Variants in PROS1 observed in about 807,000 individuals in gnomAD.
The protein encoded by PROS1 is protein S, also known as vitamin K-dependent protein S.
Under a neutral mutation model 75.9 loss-of-function variants are expected in PROS1, and 29 were observed. The ratio of observed to expected loss-of-function variants is 0.38; its 90% CI spans 0.28 to 0.52. The LOEUF (loss-of-function observed/expected upper bound fraction) is 0.52, where lower values mean the gene tolerates loss of function less well. Among genes scored for constraint, PROS1 ranks in the 20% least tolerant of loss-of-function variants. The probability of loss-of-function intolerance (pLI) is 0.83; values close to 1 mark genes in which losing one functional copy is unlikely to be tolerated. For missense variants in PROS1, 680 were observed against 810.3 expected (o/e 0.84, Z 1.95); for synonymous variants, 245 against 280.6 (o/e 0.87, Z 1.27).
chr3:93,896,592 A>T lies in PROS1; in HGVS notation c.949T>A (p.Leu317Met), dbSNP rs1323599276. 7.4e-6 allele frequency: 12 copies of T among 1,611,856 alleles called. No homozygotes were observed. Among genetic ancestry groups the T allele is most frequent in the Non-Finnish European group, 1.0e-5 (12 of 1,178,146 alleles). ...GTTCCTCACCTGCTGATTTCTGGCA[A>T]ACGAAATTTTAAATATAAAACAACC... ...AGVVLYLKFR[L>M]PEISRFSAEF... The change falls in exon 9 of 15, where the codon TTG (leucine) becomes ATG (methionine). Residue 317 changes from leucine (L) to methionine (M), a missense_variant. By Grantham distance (15) the Leu-to-Met change is conservative. Transcript: ENST00000394236.
intron 6 of PROS1, among the ~76,000 whole-genome samples, chr3:93,903,451 C>A (rs1708627560): frequency 6.6e-6 from 1 of 151,988 alleles, no homozygotes; most frequent in African/African-American, 2.4e-5. Flanking sequence ...ATCACTTCAA[C>A]CCAAGAATTT....
chr3:93,942,721 A>G (rs915378562), intron 1 of PROS1, among the ~76,000 whole-genome samples: 1 of 152,164 alleles, frequency 6.6e-6, no homozygotes, highest in African/African-American at 2.4e-5. Flanking sequence ...TCTTCCATTT[A>G]GGTTACAAGC....
intron 14 of PROS1, 131 bp from the exon 15 acceptor site, chr3:93,874,536 T>A (rs560234306): frequency 5.6e-6 from 7 of 1,248,716 alleles, no homozygotes; most frequent in Non-Finnish European, 7.8e-6. Flanking sequence ...ATAGTGAAAT[T>A]CTATTCCATA....
intron 1 of PROS1, among the ~76,000 whole-genome samples, chr3:93,952,046 T>G (rs1370229683): frequency 6.6e-6 from 1 of 152,090 alleles, no homozygotes; most frequent in African/African-American, 2.4e-5. Flanking sequence ...CCTAAATATA[T>G]ATGCACCCAA....
At chr3:93,909,736 G>A (rs1358177292) in intron 4 of PROS1, among the ~76,000 whole-genome samples, 2 of 151,730 alleles carry the variant, frequency 1.3e-5, no homozygotes, top group Non-Finnish European at 2.9e-5. Context: ...GAAAATTTTT[G>A]TTGTTAAATA....
chr3:93,910,847 G>A (rs1708750054), intron 3 of PROS1, 142 bp from the exon 4 acceptor site: 2 of 707,028 alleles, frequency 2.8e-6, no homozygotes, highest in South Asian at 3.3e-5. Context: ...AACACTAAAT[G>A]TTTCCATCTA....
chr3:93,934,093 T>A (rs1455569078), intron 1 of PROS1, among the ~76,000 whole-genome samples: 1 of 148,638 alleles, frequency 6.7e-6, no homozygotes, highest in African/African-American at 2.5e-5. Flanking sequence ...GGCAGGAGAA[T>A]CACTTGAACC....
intron 1 of PROS1, among the ~76,000 whole-genome samples, chr3:93,941,500 A>T (rs1428865573): frequency 6.6e-6 from 1 of 152,136 alleles, no homozygotes; most frequent in Non-Finnish European, 1.5e-5. Flanking sequence ...CCATCCTAAC[A>T]AAACCATCAC....
Position 93,892,959 on chromosome 3 carries a change from C to T in PROS1, c.1129G>A (p.Val377Ile). 1.2e-6 allele frequency: 2 copies of T among 1,612,378 alleles called. No homozygotes were observed. Among genetic ancestry groups the T allele is most frequent in the Non-Finnish European group, 1.7e-6 (2 of 1,179,784 alleles). ...ATATTCCATAGACCATTATTAATAA[C>T]ATCACCTCCAGTTGTGATTTTGGAT... ...HTSKITTGGDVINNGLWNMVS... is the reference protein window; with the variant it reads ...HTSKITTGGDIINNGLWNMVS... The change falls in exon 10 of 15, where the codon GTT (valine) becomes ATT (isoleucine). Residue 377 changes from valine (V) to isoleucine (I), a missense_variant. Coordinates refer to ENST00000394236, the MANE Select transcript of PROS1 (RefSeq NM_000313.4).
At chr3:93,966,225 T>C (rs1375414054) in intron 1 of PROS1, among the ~76,000 whole-genome samples, 8 of 152,158 alleles carry the variant, frequency 5.3e-5, no homozygotes, top group Non-Finnish European at 1.2e-4. Context: ...CATTGTTCAC[T>C]TTGCCTACAA....
intron 1 of PROS1, among the ~76,000 whole-genome samples, chr3:93,944,140 G>T (rs1437222137): frequency 6.6e-6 from 1 of 152,112 alleles, no homozygotes; most frequent in African/African-American, 2.4e-5. Context: ...TAAATGTACA[G>T]AGAACTAACT....
intron 8 of PROS1, among the ~76,000 whole-genome samples, chr3:93,897,292 T>TGAATGAC (rs1708515801): frequency 6.6e-6 from 1 of 152,128 alleles, no homozygotes; most frequent in East Asian, 1.9e-4. Context: ...TGGTATCAAG[T>TGAATGAC]ATTTTTTTTC....
At chr3:93,956,569 C>A (rs1355739003) in intron 1 of PROS1, among the ~76,000 whole-genome samples, 18 of 123,282 alleles carry the variant, frequency 1.5e-4, no homozygotes, top group African/African-American at 4.7e-4. Flanking sequence ...CACAAACACA[C>A]ACACACACAC....
rs942417667 is a variant in PROS1, at chr3:93,875,683, A to G, written c.1871-1278T>C. Among the ~76,000 whole-genome samples the G allele has an allele frequency of 6.8e-5, 10 of 147,984 alleles. No individual in the cohort carries two copies. In the East Asian group the frequency reaches 7.8e-4, roughly 12 times the overall value. On this transcript the variant is annotated intron_variant, in intron 14 of 14. Coordinates refer to ENST00000394236, the MANE Select transcript of PROS1 (RefSeq NM_000313.4). ...CTATCTATCTATCTATCTATCATCT[A>G]TCTATCTGTCTGTCTTTCTATAGCT...
At position 93,892,981 on chromosome 3, in the gene PROS1, G is replaced by T; in HGVS notation, c.1107C>A (p.Ser369=). Reference sequence around the variant, plus strand: ...TAACATCACCTCCAGTTGTGATTTTGGATGTATGTTCATTCTTAAGCTGAA... The same window carrying T: ...TAACATCACCTCCAGTTGTGATTTTTGATGTATGTTCATTCTTAAGCTGAA... ...IEVQLKNEHT[S]KITTGGDVIN... is the part of the protein sequence containing the mutation. The change falls in exon 10 of 15, where the codon TCC becomes TCA. Residue 369 remains serine (S), a synonymous_variant. Coordinates refer to ENST00000394236, the MANE Select transcript of PROS1 (RefSeq NM_000313.4). 1.9e-6 allele frequency: 3 copies of T among 1,612,994 alleles called. No individual in the cohort carries two copies. The highest frequency in any genetic ancestry group is 2.5e-6 in the Non-Finnish European group (3 of 1,179,958).
chr3:93,893,978 C>G (rs1708468655), intron 9 of PROS1, among the ~76,000 whole-genome samples: 1 of 152,108 alleles, frequency 6.6e-6, no homozygotes, highest in East Asian at 1.9e-4. Context: ...CCTTAAAACA[C>G]TTCAATGAGA....
intron 4 of PROS1, among the ~76,000 whole-genome samples, chr3:93,910,162 T>TATC (rs1184127565): frequency 1.3e-5 from 2 of 152,228 alleles, no homozygotes; most frequent in African/African-American, 4.8e-5. Flanking sequence ...GTACCAGAAT[T>TATC]ATCATTAGGC....
intron 1 of PROS1, among the ~76,000 whole-genome samples, chr3:93,939,497 C>T (rs1041229373): frequency 2.6e-5 from 4 of 152,088 alleles, no homozygotes; most frequent in African/African-American, 4.8e-5. Flanking sequence ...CTCCACTCCC[C>T]GACACTATAA....
At chr3:93,887,213 C>T (rs1374666502) in intron 10 of PROS1, among the ~76,000 whole-genome samples, 4 of 152,116 alleles carry the variant, frequency 2.6e-5, no homozygotes, top group South Asian at 2.1e-4. Context: ...CCACCGCGCC[C>T]GGCCCATAAG....
Sources: allele counts gnomAD v4.1 joint callset (sites outside exome capture counted in the v4.1 genomes callset), GRCh38; gene constraint gnomAD v4.1.1; transcripts MANE v1.5; gene names NCBI Gene and HGNC (gene_info 2026-07-23, HGNC 2026-07-21).